SWT1: variants seen among roughly 807,000 people sequenced by gnomAD.
The protein encoded by SWT1 is SWT1 RNA endoribonuclease homolog, also known as transcriptional protein SWT1.
SWT1 carries 33 observed loss-of-function variants against 107.3 expected under a neutral mutation model. The observed-to-expected ratio is 0.31, with a 90% CI of 0.23 to 0.41. The LOEUF (loss-of-function observed/expected upper bound fraction) is 0.41, where lower values mean the gene tolerates loss of function less well. Among genes scored for constraint, SWT1 ranks in the 10% least tolerant of loss-of-function variants. The pLI, the probability that SWT1 is intolerant of heterozygous loss-of-function variation, is 1.00. For synonymous variants in SWT1, 345 were observed against 348.3 expected, an observed-to-expected ratio of 0.99 and a Z score of 0.11; for missense variants, 898 against 1,028.9, an observed-to-expected ratio of 0.87 and a Z score of 1.74.
chr1:185,198,750 C>CTGTTTTTTTT (rs755256262), intron 10 of SWT1, among the ~76,000 whole-genome samples: 2 of 149,008 alleles, frequency 1.3e-5, no homozygotes, highest in Admixed American at 6.7e-5. Flanking sequence ...ATTGCAACCC[C>CTGTTTTTTTT]TGTTTTTTTT....
chr1:185,210,666 T>C (rs1658717780), intron 13 of SWT1, among the ~76,000 whole-genome samples: 1 of 152,140 alleles, frequency 6.6e-6, no homozygotes, highest in South Asian at 2.1e-4. Context: ...TCACCACTCC[T>C]ATTGAACATA....
intron 9 of SWT1, among the ~76,000 whole-genome samples, chr1:185,188,969 T>C (rs1205218133): frequency 1.3e-5 from 2 of 152,100 alleles, no homozygotes; most frequent in African/African-American, 4.8e-5. Context: ...ATTGCATTAT[T>C]ATTATTATTT....
rs1408540656 is a variant in SWT1 at position 185,190,583 on chromosome 1, A to G, written c.1464A>G (p.Val488=). The change falls in exon 10 of 19, where the codon GTA becomes GTG. Residue 488 remains valine (V), a synonymous_variant. Transcript: ENST00000367500. ...GTGATGAGAACAATGATGATCGAGT[A>G]CTAAAATGCTGTCTCCAGCACCAGG... ...GLSDENNDDR[V]LKCCLQHQEL... is the part of the protein sequence containing the mutation. 1.2e-6 allele frequency: 2 copies of G among 1,611,822 alleles called. No individual in the cohort carries two copies. Among genetic ancestry groups the G allele is most frequent in the East Asian group, 4.5e-5 (2 of 44,826 alleles).
At chr1:185,259,084 A>G (rs1036602615) in intron 16 of SWT1, among the ~76,000 whole-genome samples, 1 of 152,110 alleles carries the variant, frequency 6.6e-6, no homozygotes, top group African/African-American at 2.4e-5. Context: ...TTTTTTGATC[A>G]CTTAAAATGT....
chr1:185,224,920 C>G (rs1659938266), intron 15 of SWT1, among the ~76,000 whole-genome samples: 1 of 152,114 alleles, frequency 6.6e-6, no homozygotes, highest in Non-Finnish European at 1.5e-5. Context: ...GATAATTTGA[C>G]TTCCTTCTTT....
At chr1:185,233,520 C>T (rs996114194) in intron 16 of SWT1, among the ~76,000 whole-genome samples, 2 of 152,134 alleles carry the variant, frequency 1.3e-5, no homozygotes, top group African/African-American at 4.8e-5. Context: ...TCATTGGTTT[C>T]AAAAAGAATA....
chr1:185,162,768 A>G (rs1654257249), intron 2 of SWT1, among the ~76,000 whole-genome samples: 1 of 152,098 alleles, frequency 6.6e-6, no homozygotes. Context: ...TATAAAAATT[A>G]TGTTTATACT....
chr1:185,251,245 G>GT (rs1464126083), intron 16 of SWT1: 26 of 152,154 alleles, frequency 1.7e-4, no homozygotes, highest in Middle Eastern at 3.2e-3. Flanking sequence ...ACTTCTTTCT[G>GT]TTTTTTCCTT....
At chr1:185,206,856 T>A in intron 13 of SWT1, 93 bp downstream of exon 13, 4 of 937,122 alleles carry the variant, frequency 4.3e-6, no homozygotes, top group Non-Finnish European at 6.1e-6. Flanking sequence ...TAATGAAGAA[T>A]TTGTTAATTA....
At chr1:185,180,107 C>G (rs530046925) in intron 5 of SWT1, among the ~76,000 whole-genome samples, 1 of 152,088 alleles carries the variant, frequency 6.6e-6, no homozygotes, top group African/African-American at 2.4e-5. Context: ...TCGCTTGAGT[C>G]CAGGAGGTTG....
At chr1:185,258,747 A>G (rs145031048) in intron 16 of SWT1, among the ~76,000 whole-genome samples, 2 of 151,758 alleles carry the variant, frequency 1.3e-5, no homozygotes, top group East Asian at 1.9e-4. Context: ...TTTTCTCTGT[A>G]TGTTTTGTGT....
intron 10 of SWT1, among the ~76,000 whole-genome samples, chr1:185,192,166 TG>T (rs1657009698): frequency 6.6e-6 from 1 of 152,250 alleles, no homozygotes; most frequent in African/African-American, 2.4e-5. Flanking sequence ...ATCATATGTC[TG>T]CACCAGCAAT....
chr1:185,168,754 C>T (rs1348806476), intron 4 of SWT1, among the ~76,000 whole-genome samples: 1 of 152,018 alleles, frequency 6.6e-6, no homozygotes, highest in Non-Finnish European at 1.5e-5. Flanking sequence ...TCATATATTA[C>T]CCGTGAAGAG....
At chr1:185,247,937 C>T in intron 16 of SWT1, among the ~76,000 whole-genome samples, 1 of 151,894 alleles carries the variant, frequency 6.6e-6, no homozygotes, top group East Asian at 1.9e-4. Flanking sequence ...ACAGTGCTTT[C>T]TTTTGGGCCT....
intron 16 of SWT1, among the ~76,000 whole-genome samples, chr1:185,251,812 A>G (rs1407799209): frequency 6.6e-6 from 1 of 151,184 alleles, no homozygotes; most frequent in African/African-American, 2.4e-5. Flanking sequence ...TTTTTATTAT[A>G]CTTTAAATTT....
chr1:185,209,514 G>A (rs1044958278), intron 13 of SWT1, among the ~76,000 whole-genome samples: 4 of 152,054 alleles, frequency 2.6e-5, no homozygotes, highest in Admixed American at 2.6e-4. Context: ...TGAGAATGAT[G>A]GTTTCCACTT....
chr1:185,222,217 A>G (rs1022341433), intron 15 of SWT1, among the ~76,000 whole-genome samples, 181 bp downstream of exon 15: 2 of 152,152 alleles, frequency 1.3e-5, no homozygotes, highest in African/African-American at 2.4e-5. Context: ...AAGTGAAAAA[A>G]AAAAGCTTTT....
Position 185,174,820 on chromosome 1 carries a change from T to C in SWT1, c.673T>C (p.Leu225=). The change falls in exon 5 of 19, where the codon TTG becomes CTG. Residue 225 remains leucine, a synonymous_variant. Transcript: ENST00000367500. ...YNSNKIIKEP[L]GSRRQKISFK... is the part of the protein sequence containing the mutation. ...CTCCAACAAGATAATTAAGGAACCCTTGGGATCTAGAAGACAGAAGATCAG... is the reference window on the plus strand; with the variant it reads ...CTCCAACAAGATAATTAAGGAACCCCTGGGATCTAGAAGACAGAAGATCAG... The C allele has an allele frequency of 6.2e-7, 1 of 1,613,844 alleles. No homozygotes were observed. The highest frequency in any genetic ancestry group is 8.5e-7 in the Non-Finnish European group (1 of 1,179,948).
intron 4 of SWT1, among the ~76,000 whole-genome samples, chr1:185,172,972 A>G (rs1655207884): frequency 7.1e-6 from 1 of 141,126 alleles, no homozygotes; most frequent in Non-Finnish European, 1.5e-5. Flanking sequence ...TGAACCTGGG[A>G]GGCGGAGGTT....
Sources: allele counts gnomAD v4.1 joint callset (sites outside exome capture counted in the v4.1 genomes callset), GRCh38; gene constraint gnomAD v4.1.1; transcripts MANE v1.5; gene names NCBI Gene and HGNC (gene_info 2026-07-23, HGNC 2026-07-21).